NAALADL2: variants seen among roughly 807,000 people sequenced by gnomAD.
NAALADL2 encodes the protein N-acetylated alpha-linked acidic dipeptidase like 2.
In NAALADL2, 76 loss-of-function variants were observed where a neutral mutation model predicts 87.2. That is an observed-to-expected ratio of 0.87 (90% CI 0.72 to 1.05). The LOEUF (loss-of-function observed/expected upper bound fraction) is 1.05. NAALADL2 is among the 50% of genes least tolerant of loss of function. The probability of loss-of-function intolerance (pLI) is 0.00; values close to 1 mark genes in which losing one functional copy is unlikely to be tolerated. For synonymous variants in NAALADL2, 354 were observed against 331.0 expected (o/e 1.07, Z -0.75); for missense variants, 1,089 against 945.8 (o/e 1.15, Z -1.99).
intron 10 of NAALADL2, among the ~76,000 whole-genome samples, chr3:175,617,238 T>C (rs1725471627): frequency 6.6e-6 from 1 of 152,156 alleles, no homozygotes; most frequent in East Asian, 1.9e-4. Flanking sequence ...AAATGGTTAC[T>C]CTGGAGGAAG....
At chr3:175,192,173 G>A (rs977822258) in intron 2 of NAALADL2, among the ~76,000 whole-genome samples, 5 of 151,994 alleles carry the variant, frequency 3.3e-5, no homozygotes, top group African/African-American at 4.8e-5. Context: ...GTTGCAAGAT[G>A]TACTTCATCT....
chr3:174,840,938 A>G (rs1723958062), intron 3 of NAALADL2, among the ~76,000 whole-genome samples: 1 of 152,088 alleles, frequency 6.6e-6, no homozygotes. Flanking sequence ...TCAGAAAGAA[A>G]ACATTCACAG....
chr3:175,507,955 A>G (rs1466730349), intron 9 of NAALADL2, among the ~76,000 whole-genome samples: 1 of 152,166 alleles, frequency 6.6e-6, no homozygotes, highest in Non-Finnish European at 1.5e-5. Flanking sequence ...TAATTGGCCC[A>G]TGGTTCTATT....
Position 175,785,736 on chromosome 3 carries a change from A to C in NAALADL2, c.2190-17269A>C, listed in dbSNP as rs1433184886. Among the ~76,000 whole-genome samples, 5 of 145,460 alleles carry C rather than the reference A, an allele frequency of 3.4e-5. No individual in the cohort carries two copies. In the East Asian group the frequency reaches 1.0e-3, roughly 29 times the overall value. ...GTTAATATTGTTATGTGTGAATTTG[A>C]TCCTGTCATTATGATGTTAGCTGGT... On this transcript the variant is annotated intron_variant, in intron 13 of 13. Coordinates refer to ENST00000454872, the MANE Select transcript of NAALADL2 (RefSeq NM_207015.3).
intron 1 of NAALADL2, among the ~76,000 whole-genome samples, chr3:175,065,738 C>T (rs1486789685): frequency 1.3e-5 from 2 of 152,200 alleles, no homozygotes; most frequent in Non-Finnish European, 2.9e-5. Context: ...AGTCAGAAGT[C>T]ACTATGAGCT....
chr3:175,334,267 T>TAGAC (rs977107406), intron 5 of NAALADL2, among the ~76,000 whole-genome samples: 1 of 152,002 alleles, frequency 6.6e-6, no homozygotes, highest in African/African-American at 2.4e-5. Context: ...GATAGATAGA[T>TAGAC]AGACAGACAG....
intron 11 of NAALADL2, among the ~76,000 whole-genome samples, chr3:175,639,106 G>T (rs1728928620): frequency 6.6e-6 from 1 of 152,068 alleles, no homozygotes. Context: ...ATTGGCAGGT[G>T]CTTTGTCCCC....
chr3:174,791,358 G>T (rs2109202932), intron 3 of NAALADL2, among the ~76,000 whole-genome samples: 1 of 152,212 alleles, frequency 6.6e-6, no homozygotes, highest in South Asian at 2.1e-4. Flanking sequence ...CTTCATGAAT[G>T]GGATTAGTGC....
intron 5 of NAALADL2, among the ~76,000 whole-genome samples, chr3:175,441,262 C>T (rs1712878362): frequency 2.0e-5 from 3 of 151,922 alleles, no homozygotes; most frequent in Admixed American, 2.0e-4. Flanking sequence ...ATGTTGAATT[C>T]ATGTGAATTA....
intron 11 of NAALADL2, among the ~76,000 whole-genome samples, chr3:175,717,803 A>ATTTTTT (rs10575051): frequency 1.7e-5 from 2 of 117,898 alleles, no homozygotes; most frequent in African/African-American, 3.8e-5. Flanking sequence ...AAGAGAGCAG[A>ATTTTTT]TTTTTTTTTT....
intron 9 of NAALADL2, among the ~76,000 whole-genome samples, chr3:175,567,698 T>A (rs1717402091): frequency 6.6e-6 from 1 of 151,572 alleles, no homozygotes. Flanking sequence ...TATTATGGGT[T>A]GAATTTTTCT....
At chr3:174,961,246 A>G (rs944135426) in intron 1 of NAALADL2, among the ~76,000 whole-genome samples, 17 of 151,308 alleles carry the variant, frequency 1.1e-4, no homozygotes, top group Admixed American at 1.1e-3. Context: ...GACCTTCCAA[A>G]GCGCACTGGG....
At chr3:174,874,824 G>C (rs1728277560) in intron 1 of NAALADL2, among the ~76,000 whole-genome samples, 1 of 151,992 alleles carries the variant, frequency 6.6e-6, no homozygotes, top group African/African-American at 2.4e-5. Flanking sequence ...GTGAGAGTCT[G>C]CTTTGTTAAA....
chr3:174,595,107 C>A (rs964650734), intron 2 of NAALADL2, among the ~76,000 whole-genome samples: 2 of 152,068 alleles, frequency 1.3e-5, no homozygotes, highest in Non-Finnish European at 2.9e-5. Flanking sequence ...CTCATCATGG[C>A]CATTTTCTAG....
At chr3:175,772,893 G>A (rs759782898) in intron 13 of NAALADL2, among the ~76,000 whole-genome samples, 5 of 151,956 alleles carry the variant, frequency 3.3e-5, no homozygotes, top group Admixed American at 2.0e-4. Flanking sequence ...GTGTTTCTCC[G>A]TGCCTTAGAA....
intron 13 of NAALADL2, among the ~76,000 whole-genome samples, chr3:175,768,843 CTT>C (rs1239675911): frequency 1.6e-5 from 2 of 126,992 alleles, no homozygotes; most frequent in Non-Finnish European, 3.1e-5. Flanking sequence ...TAGAATGAGA[CTT>C]TGTCTCAAAA....
chr3:175,128,545 G>T (rs1727316941), intron 2 of NAALADL2, among the ~76,000 whole-genome samples: 1 of 152,002 alleles, frequency 6.6e-6, no homozygotes. Context: ...TCTCATCATT[G>T]CAGAGAAGAT....
intron 2 of NAALADL2, among the ~76,000 whole-genome samples, chr3:175,186,493 AT>A (rs1436383952): frequency 6.6e-6 from 1 of 152,156 alleles, no homozygotes; most frequent in Non-Finnish European, 1.5e-5. Context: ...TGTTTAAATC[AT>A]TTTGAAAACA....
intron 1 of NAALADL2, among the ~76,000 whole-genome samples, chr3:174,894,667 A>G (rs1731289909): frequency 6.7e-6 from 1 of 148,520 alleles, no homozygotes; most frequent in South Asian, 2.2e-4. Flanking sequence ...ATCAGGTGTA[A>G]TCTGCAGTAT....
Sources: allele counts gnomAD v4.1 joint callset (sites outside exome capture counted in the v4.1 genomes callset), GRCh38; gene constraint gnomAD v4.1.1; transcripts MANE v1.5; gene names NCBI Gene and HGNC (gene_info 2026-07-23, HGNC 2026-07-21).